BCL9: variants seen among roughly 807,000 people sequenced by gnomAD.
BCL9 encodes B-cell CLL/lymphoma 9 protein.
BCL9 carries 25 observed loss-of-function variants against 88.5 expected under a neutral mutation model. The observed-to-expected ratio is 0.28, with a 90% CI of 0.21 to 0.39. The LOEUF (loss-of-function observed/expected upper bound fraction) is 0.39. Among genes scored for constraint, BCL9 ranks in the 10% least tolerant of loss-of-function variants. The pLI, the probability that BCL9 is intolerant of heterozygous loss-of-function variation, is 1.00. For synonymous variants in BCL9, 711 were observed against 673.3 expected (o/e 1.06, Z -0.87); for missense variants, 1,817 against 1,877.8 (o/e 0.97, Z 0.60).
Position 147,574,065 on chromosome 1 carries a change from A to C in BCL9, c.-477-30712A>C, listed in dbSNP as rs587753636. Among the ~76,000 whole-genome samples the C allele has an allele frequency of 2.0e-5, 3 of 152,312 alleles. No individual in the cohort carries two copies. The East Asian group carries it at 5.8e-4, about 29-fold the overall frequency. On this transcript the variant is annotated intron_variant, in intron 1 of 9. Coordinates refer to ENST00000234739, the MANE Select transcript of BCL9 (RefSeq NM_004326.4). ...CCTCTTTAATCCTCACAGAATCACT[A>C]TATGACATTGTTATTATCCCTACTC...
At chr1:147,545,721 T>C (rs984821434) in intron 1 of BCL9, among the ~76,000 whole-genome samples, 9 of 152,230 alleles carry the variant, frequency 5.9e-5, no homozygotes, top group African/African-American at 2.2e-4. Flanking sequence ...TTGTAGTTTT[T>C]CTACTCCCAA....
intron 4 of BCL9, among the ~76,000 whole-genome samples, 164 bp downstream of exon 4, chr1:147,612,053 A>G (rs1413326125): frequency 6.6e-6 from 1 of 152,226 alleles, no homozygotes; most frequent in Non-Finnish European, 1.5e-5. Flanking sequence ...AGTAAGCAGG[A>G]TACAGTGTAA....
intron 1 of BCL9, among the ~76,000 whole-genome samples, chr1:147,581,649 T>C (rs1656377095): frequency 6.6e-6 from 1 of 152,194 alleles, no homozygotes. Flanking sequence ...GTCAGCTCTT[T>C]AATCTCATGC....
intron 1 of BCL9, among the ~76,000 whole-genome samples, chr1:147,576,088 T>C (rs181347777): frequency 3.9e-5 from 6 of 152,260 alleles, no homozygotes; most frequent in South Asian, 4.2e-4. Context: ...TAGATCAGAA[T>C]GGAGCCAATG....
At chr1:147,553,195 G>T (rs1227654395) in intron 1 of BCL9, among the ~76,000 whole-genome samples, 5 of 152,114 alleles carry the variant, frequency 3.3e-5, no homozygotes, top group African/African-American at 1.2e-4. Context: ...TATGGACTTT[G>T]TTCACTTGCT....
intron 1 of BCL9, among the ~76,000 whole-genome samples, chr1:147,602,734 T>G (rs1376457708): frequency 6.6e-6 from 1 of 152,238 alleles, no homozygotes; most frequent in African/African-American, 2.4e-5. Flanking sequence ...TCTCATTGTA[T>G]AAGGCAAGTG....
At position 147,619,697 on chromosome 1, in the gene BCL9, C is replaced by A. The variant is rs199517580; in HGVS notation, c.1542C>A (p.Pro514=). Reference sequence around the variant, plus strand: ...GGCCTCGGGGAGTGGTCCGAGGACCCCCCCCTCCATACCAGATGACCCCTA... The same window carrying A: ...GGCCTCGGGGAGTGGTCCGAGGACCACCCCCTCCATACCAGATGACCCCTA... ...QHGPRGVVRG[P]PPPYQMTPSE... The change falls in exon 8 of 10, where the codon CCC becomes CCA. Residue 514 remains proline, a synonymous_variant. Transcript: ENST00000234739. The surrounding 1 kb of genome is among the most constrained non-coding windows in gnomAD (Gnocchi z 4.1). 3.1e-6 allele frequency: 5 copies of A among 1,613,880 alleles called. No homozygotes were observed. Among genetic ancestry groups the A allele is most frequent in the Non-Finnish European group, 4.2e-6 (5 of 1,180,024 alleles).
At chr1:147,585,348 C>A (rs774988429) in intron 1 of BCL9, among the ~76,000 whole-genome samples, 37 of 152,076 alleles carry the variant, frequency 2.4e-4, no homozygotes, top group Non-Finnish European at 5.0e-4. Context: ...TTTTATATGG[C>A]ACCATTCTGC....
intron 1 of BCL9, among the ~76,000 whole-genome samples, chr1:147,561,079 A>G (rs1243267403): frequency 4.6e-5 from 7 of 152,246 alleles, no homozygotes; most frequent in Non-Finnish European, 1.0e-4. Flanking sequence ...AAAGTCACTT[A>G]AGATAAATGA....
chr1:147,600,224 C>G (rs1320007470), intron 1 of BCL9: 1 of 162,046 alleles, frequency 6.2e-6, no homozygotes, highest in African/African-American at 2.4e-5. Context: ...CGGGGGGAGA[C>G]GCTGCGCCGC....
intron 1 of BCL9, among the ~76,000 whole-genome samples, chr1:147,545,040 G>GT (rs1184842646): frequency 3.3e-5 from 5 of 151,974 alleles, no homozygotes; most frequent in East Asian, 1.9e-4. Flanking sequence ...TAATTTAATA[G>GT]TTTTTTTAGA....
chr1:147,624,276 G>A lies in BCL9; in HGVS notation c.3598G>A (p.Gly1200Ser). ...AALCKPGGPG[G>S]PDSFTVLGNS... is the part of the protein sequence containing the mutation. ...ACTTTGCAAGCCTGGAGGCCCCGGGGGTCCTGACTCCTTCACTGTCCTGGG... is the reference window on the plus strand; with the variant it reads ...ACTTTGCAAGCCTGGAGGCCCCGGGAGTCCTGACTCCTTCACTGTCCTGGG... The change falls in exon 10 of 10, where the codon GGT becomes AGT. Residue 1200 changes from glycine (G) to serine (S), a missense_variant. Transcript: ENST00000234739. The surrounding 1 kb of genome is among the most constrained non-coding windows in gnomAD (Gnocchi z 4.4). 6.2e-7 allele frequency: 1 copy of A among 1,614,212 alleles called. No individual in the cohort carries two copies. The highest frequency in any genetic ancestry group is 8.5e-7 in the Non-Finnish European group (1 of 1,180,032).
intron 8 of BCL9, among the ~76,000 whole-genome samples, chr1:147,621,788 C>CAAACATCTTGGT (rs1557863374): frequency 6.6e-6 from 1 of 152,166 alleles, no homozygotes; most frequent in Admixed American, 6.5e-5. Context: ...GAACAGCCCC[C>CAAACATCTTGGT]TCAGACCTTC....
At chr1:147,595,691 T>C (rs144901201) in intron 1 of BCL9, among the ~76,000 whole-genome samples, 8 of 151,678 alleles carry the variant, frequency 5.3e-5, no homozygotes, top group African/African-American at 1.9e-4. Context: ...CTACAAAAAA[T>C]AAATAAATAA....
intron 1 of BCL9, among the ~76,000 whole-genome samples, chr1:147,598,476 CT>C (rs1657151701): frequency 6.6e-6 from 1 of 152,178 alleles, no homozygotes; most frequent in African/African-American, 2.4e-5. Context: ...AGCAGATCGG[CT>C]TTATCATTTA....
At chr1:147,593,623 C>T (rs1462386008) in intron 1 of BCL9, among the ~76,000 whole-genome samples, 2 of 152,130 alleles carry the variant, frequency 1.3e-5, no homozygotes, top group Non-Finnish European at 2.9e-5. Flanking sequence ...TTTGAATCTT[C>T]AGTACTTTGC....
At chr1:147,604,591 A>G (rs1404391376) in intron 1 of BCL9, among the ~76,000 whole-genome samples, 186 bp from the exon 2 acceptor site, 2 of 152,110 alleles carry the variant, frequency 1.3e-5, no homozygotes, top group East Asian at 3.8e-4. Context: ...CAGTGACCCT[A>G]TCTTGGACTT....
chr1:147,580,066 T>C (rs1557835124), intron 1 of BCL9, among the ~76,000 whole-genome samples: 1 of 152,198 alleles, frequency 6.6e-6, no homozygotes, highest in Non-Finnish European at 1.5e-5. Flanking sequence ...CTAAGCGATG[T>C]ACAACATGTT....
At position 147,615,896 on chromosome 1, in the gene BCL9, G is replaced by A. The variant is rs143819239; in HGVS notation, c.654G>A (p.Ala218=). ...ACAACAAGACAGAGAGAAGCACAGCGCCTCTGGTATGTTGTTTCAGAAACT... is the reference window on the plus strand; with the variant it reads ...ACAACAAGACAGAGAGAAGCACAGCACCTCTGGTATGTTGTTTCAGAAACT... ...ISNNKTERST[A]PLNTQISALR... The change falls in exon 7 of 10, where the codon GCG becomes GCA. Residue 218 remains alanine, a synonymous_variant. Coordinates refer to ENST00000234739, the MANE Select transcript of BCL9 (RefSeq NM_004326.4). The A allele has an allele frequency of 9.1e-4, 1,467 of 1,611,800 alleles. 1 individual carries two copies. Among genetic ancestry groups the A allele is most frequent in the Non-Finnish European group, 1.1e-3 (1,292 of 1,177,924 alleles).
Sources: gnomAD v4.1 joint callset for allele counts (sites outside exome capture counted in the v4.1 genomes callset) on GRCh38, gnomAD v4.1.1 for gene constraint, Gnocchi (gnomAD v3.1) non-coding constraint, MANE v1.5 for transcripts, NCBI Gene and HGNC (gene_info 2026-07-23, HGNC 2026-07-21) for gene names.